ANK3: variants seen among roughly 807,000 people sequenced by gnomAD.
ANK3 encodes ankyrin-3.
Under a neutral mutation model 370.9 loss-of-function variants are expected in ANK3, and 57 were observed. The observed-to-expected ratio is 0.15, with a 90% CI of 0.12 to 0.19. The LOEUF (loss-of-function observed/expected upper bound fraction) is 0.19. Among genes scored for constraint, ANK3 ranks in the 10% least tolerant of loss-of-function variants. The probability of loss-of-function intolerance (pLI) is 1.00; values close to 1 mark genes in which losing one functional copy is unlikely to be tolerated. For synonymous variants in ANK3, 1,929 were observed against 1,946.3 expected, an observed-to-expected ratio of 0.99 and a Z score of 0.23; for missense variants, 4,439 against 5,302.1, an observed-to-expected ratio of 0.84 and a Z score of 5.06.
At chr10:60,348,462 G>GTT (rs2031127721) in intron 1 of ANK3, among the ~76,000 whole-genome samples, 2 of 151,338 alleles carry the variant, frequency 1.3e-5, no homozygotes, top group Admixed American at 6.6e-5. Context: ...AGTGACTAAA[G>GTT]ACACAGACTT....
At chr10:60,144,539 CA>C (rs2094719126) in intron 23 of ANK3, among the ~76,000 whole-genome samples, 2 of 152,128 alleles carry the variant, frequency 1.3e-5, no homozygotes, top group African/African-American at 4.8e-5. Flanking sequence ...CACCACTAAC[CA>C]ATTAATAAAA....
At chr10:60,173,850 C>A (rs1239975845) in intron 18 of ANK3, among the ~76,000 whole-genome samples, 1 of 152,088 alleles carries the variant, frequency 6.6e-6, no homozygotes, top group African/African-American at 2.4e-5. Flanking sequence ...CCCTGAGGGG[C>A]TATAAGTTCT....
rs748841982 is a variant in ANK3 at position 60,186,814 on chromosome 10, C to A, written c.1986G>T (p.Arg662=). The A allele has an allele frequency of 1.2e-6, 2 of 1,614,182 alleles. No homozygotes were observed. Among genetic ancestry groups the A allele is most frequent in the South Asian group, 1.1e-5 (1 of 91,082 alleles). The stretch of plus-strand genomic sequence containing the variant: ...CGAGATGGACGGAAGCAATTCCTTG[C>A]CGGGTAACTGCGTTGGCATCAGCAC... ...EYGADANAVT[R]QGIASVHLAA... Residue 662 remains arginine, a synonymous_variant, in exon 17 of 44, where the codon CGG becomes CGT. Transcript: ENST00000280772.
intron 8 of ANK3, among the ~76,000 whole-genome samples, chr10:60,215,921 C>T (rs2096929584): frequency 6.6e-6 from 1 of 152,080 alleles, no homozygotes; most frequent in Admixed American, 6.6e-5. Flanking sequence ...AGCATTGAAT[C>T]AATAAATTAT....
At chr10:60,386,092 T>C (rs1486283205) in intron 1 of ANK3, among the ~76,000 whole-genome samples, 1 of 152,072 alleles carries the variant, frequency 6.6e-6, no homozygotes. Flanking sequence ...CCACTGCTCA[T>C]GGACCAGGGC....
chr10:60,653,219 A>G (rs144036957), intron 1 of ANK3, among the ~76,000 whole-genome samples: 1 of 152,294 alleles, frequency 6.6e-6, no homozygotes, highest in African/African-American at 2.4e-5. Flanking sequence ...ATCTCAGACA[A>G]GATCACAAAG....
chr10:60,035,736 T>C (rs1460163419), intron 43 of ANK3, among the ~76,000 whole-genome samples: 1 of 150,630 alleles, frequency 6.6e-6, no homozygotes, highest in Non-Finnish European at 1.5e-5. Flanking sequence ...ACACCTATAA[T>C]CCCAGCACTT....
intron 18 of ANK3, among the ~76,000 whole-genome samples, chr10:60,176,789 A>AAAAC (rs1031849672): frequency 2.0e-5 from 3 of 152,086 alleles, no homozygotes; most frequent in African/African-American, 7.2e-5. Flanking sequence ...AAAATAAACA[A>AAAAC]AAACAAACAA....
chr10:60,492,773 AAAT>A (rs1291887475), intron 2 of ANK3, among the ~76,000 whole-genome samples: 4 of 149,766 alleles, frequency 2.7e-5, no homozygotes, highest in Non-Finnish European at 5.9e-5. Flanking sequence ...GTTTGGGGGA[AAAT>A]AATAAGAAAA....
At chr10:60,554,856 A>G (rs1335711706) in intron 2 of ANK3, among the ~76,000 whole-genome samples, 2 of 152,212 alleles carry the variant, frequency 1.3e-5, no homozygotes, top group Non-Finnish European at 2.9e-5. Flanking sequence ...ATTACATCAT[A>G]TTAATGCCAT....
At chr10:60,429,234 A>G (rs930213465) in intron 2 of ANK3, among the ~76,000 whole-genome samples, 2 of 152,170 alleles carry the variant, frequency 1.3e-5, no homozygotes, top group Non-Finnish European at 2.9e-5. Context: ...AGTCACTTAT[A>G]AATAACACAT....
intron 2 of ANK3, among the ~76,000 whole-genome samples, chr10:60,610,837 G>A (rs1179326467): frequency 1.3e-5 from 2 of 152,138 alleles, no homozygotes; most frequent in Admixed American, 6.6e-5. Context: ...AGAAAACAGA[G>A]GGGCAATTGA....
chr10:60,137,374 GAAAAAA>G (rs201151245), intron 24 of ANK3: 5 of 164,440 alleles, frequency 3.0e-5, no homozygotes, highest in Admixed American at 8.7e-5. Flanking sequence ...GTAATTTTAG[GAAAAAA>G]AAAAAAAAAA....
intron 28 of ANK3, among the ~76,000 whole-genome samples, chr10:60,102,902 T>C (rs575228046): frequency 4.4e-4 from 67 of 152,270 alleles, no homozygotes; most frequent in South Asian, 8.3e-4. Context: ...AGATGACAGA[T>C]AAAGCTTAAT....
chr10:60,219,407 T>G (rs1461836212), intron 8 of ANK3, among the ~76,000 whole-genome samples: 1 of 152,160 alleles, frequency 6.6e-6, no homozygotes, highest in Admixed American at 6.6e-5. Context: ...ATCAGATCAT[T>G]AGAATCAGGC....
chr10:60,068,970 T>C lies in ANK3; in HGVS notation c.11911A>G (p.Thr3971Ala), dbSNP rs1564747024. ...TTTTTATTTTTTTTTTTTSCT... is the reference protein window; with the variant it reads ...TTTTTATTTTATTTTTTTSCT... ...CTGGTGGTGGTGGTAGTGGTGGTAG[T>C]GGTGGTGGTGGTGGCAGTGGTGGTG... The change falls in exon 37 of 44, where the codon ACT (threonine) becomes GCT (alanine). Residue 3971 changes from threonine (T) to alanine (A), a missense_variant. This residue lies in a region of ANK3 where 496 missense variants were observed against 529.3 expected (regional missense o/e 0.94). Transcript: ENST00000280772. 1 of 1,609,932 alleles carries C rather than the reference T, an allele frequency of 6.2e-7. No homozygotes were observed. Among genetic ancestry groups the C allele is most frequent in the Non-Finnish European group, 8.5e-7 (1 of 1,177,074 alleles).
intron 1 of ANK3, among the ~76,000 whole-genome samples, chr10:60,313,076 C>A (rs1044971331): frequency 1.3e-5 from 2 of 152,198 alleles, no homozygotes; most frequent in African/African-American, 4.8e-5. Context: ...GTCCTCTTCA[C>A]CTTTGCTCCT....
chr10:60,439,382 G>A (rs991092496), intron 2 of ANK3, among the ~76,000 whole-genome samples: 1 of 152,100 alleles, frequency 6.6e-6, no homozygotes, highest in African/African-American at 2.4e-5. Flanking sequence ...AATAGGCTGG[G>A]TACAGTGGCT....
chr10:60,094,081 T>A (rs1030869467), intron 28 of ANK3, among the ~76,000 whole-genome samples: 1 of 152,162 alleles, frequency 6.6e-6, no homozygotes, highest in Middle Eastern at 3.2e-3. Context: ...GGACATTTAG[T>A]GTCTCCATGT....
Sources: allele counts gnomAD v4.1 joint callset (sites outside exome capture counted in the v4.1 genomes callset), GRCh38; gene constraint gnomAD v4.1.1; regional missense constraint gnomAD v4.1.1; transcripts MANE v1.5; gene names NCBI Gene and HGNC (gene_info 2026-07-23, HGNC 2026-07-21).